The following FECH variants were observed in gnomAD, a reference collection of about 807,000 sequenced individuals.
FECH encodes the protein ferrochelatase, mitochondrial.
Under a neutral mutation model 56.9 loss-of-function variants are expected in FECH, and 40 were observed. The observed-to-expected ratio is 0.70, with a 90% confidence interval of 0.55 to 0.92. The LOEUF (loss-of-function observed/expected upper bound fraction) is 0.92. Ranked by LOEUF, FECH falls within the 40% of genes least tolerant of loss-of-function variation. The probability of loss-of-function intolerance (pLI) is 0.00; values close to 1 mark genes in which losing one functional copy is unlikely to be tolerated. For synonymous variants in FECH, 175 were observed against 198.6 expected (o/e 0.88, Z 1.00); for missense variants, 431 against 529.1 (o/e 0.81, Z 1.82).
At chr18:57,556,736 C>T (rs1372975969) in intron 7 of FECH, among the ~76,000 whole-genome samples, 1 of 151,620 alleles carries the variant, frequency 6.6e-6, no homozygotes. Flanking sequence ...CATGGTGAAA[C>T]CCTGTCTCTT....
At chr18:57,582,505 G>A (rs1008058221) in intron 1 of FECH, among the ~76,000 whole-genome samples, 3 of 152,058 alleles carry the variant, frequency 2.0e-5, no homozygotes, top group African/African-American at 7.2e-5. Flanking sequence ...GCTCACACCT[G>A]TAATCCCAGC....
At chr18:57,573,448 C>T (rs2051143384) in intron 2 of FECH, 83 bp from the exon 3 acceptor site, 1 of 1,495,266 alleles carries the variant, frequency 6.7e-7, no homozygotes, top group Non-Finnish European at 9.3e-7. Flanking sequence ...CCAGCAAACT[C>T]TAATCTGTTC....
chr18:57,548,014 A>ATTC lies in FECH; in HGVS notation c.*2697_*2698insGAA, dbSNP rs2050741840. 6.6e-6 allele frequency among the ~76,000 whole-genome samples: 1 copy of ATTC among 151,968 alleles called. No individual in the cohort carries two copies. The highest frequency in any genetic ancestry group is 1.5e-5 in the Non-Finnish European group (1 of 67,976). On this transcript the variant is annotated 3_prime_UTR_variant, in exon 11 of 11. Transcript: ENST00000262093. ...CCTTGTAATCCCAGCACTTTGGGAG[A>ATTC]CTGAGGCAGGAGAATCCCTTGAGCC...
At position 57,586,541 on chromosome 18, in the gene FECH, C is replaced by T. The variant is rs1300367759; in HGVS notation, c.67+13G>A. 6 of 1,521,004 alleles carry T rather than the reference C, an allele frequency of 3.9e-6. No individual in the cohort carries two copies. The highest frequency in any genetic ancestry group is 5.3e-6 in the Non-Finnish European group (6 of 1,140,698). 94.2% of individuals were successfully genotyped at this position (1,521,004 alleles called of 1,614,324 possible). Reference sequence around the variant, plus strand: ...ATCCTGGCCCTGGCGGCCGCCGCGACAGACCCACTTACGCGGATCGCGGAG... The same window carrying T: ...ATCCTGGCCCTGGCGGCCGCCGCGATAGACCCACTTACGCGGATCGCGGAG... On this transcript the variant is annotated intron_variant, in intron 1 of 10. Transcript: ENST00000262093.
intron 1 of FECH, 100 bp from the exon 2 acceptor site, chr18:57,580,299 A>T: frequency 1.4e-6 from 2 of 1,437,670 alleles, no homozygotes; most frequent in Non-Finnish European, 1.9e-6. Flanking sequence ...ATTTAAAGAG[A>T]TCCCATGGCA....
At chr18:57,559,092 G>T in intron 7 of FECH, 53 bp downstream of exon 7, 1 of 1,213,830 alleles carries the variant, frequency 8.2e-7, no homozygotes, top group South Asian at 1.2e-5. Context: ...TTTAGAAAAT[G>T]AAATCACCCA....
At chr18:57,580,327 A>G (rs377608968) in intron 1 of FECH, 128 bp from the exon 2 acceptor site, 1 of 1,284,276 alleles carries the variant, frequency 7.8e-7, no homozygotes. Flanking sequence ...TTTTCCTAGC[A>G]TTTCTCTGCA....
intron 5 of FECH, among the ~76,000 whole-genome samples, chr18:57,565,711 C>T (rs2051007346): frequency 6.6e-6 from 1 of 152,118 alleles, no homozygotes; most frequent in African/African-American, 2.4e-5. Context: ...TTTGATTCTC[C>T]TTATGGTTAT....
At chr18:57,583,094 G>A (rs1476138906) in intron 1 of FECH, among the ~76,000 whole-genome samples, 1 of 152,132 alleles carries the variant, frequency 6.6e-6, no homozygotes, top group Non-Finnish European at 1.5e-5. Context: ...TGATGTCGCT[G>A]CCAAGGGACC....
chr18:57,553,268 C>T (rs1223570582), intron 9 of FECH, among the ~76,000 whole-genome samples: 1 of 152,134 alleles, frequency 6.6e-6, no homozygotes, highest in Non-Finnish European at 1.5e-5. Context: ...AATCCTGTGT[C>T]AGAACCACTG....
chr18:57,577,534 C>T lies in FECH; in HGVS notation c.194+2539G>A, dbSNP rs554264236. ...CTGCCATCAGAAGAATCCACAAAGA[C>T]ACTCACTGCTTCACCATTTCTAATA... On this transcript the variant is annotated intron_variant, in intron 2 of 10. Transcript: ENST00000262093. Among the ~76,000 whole-genome samples, 20 of 152,310 alleles carry T rather than the reference C, an allele frequency of 1.3e-4. No homozygotes were observed. In the South Asian group the frequency reaches 3.7e-3, roughly 28 times the overall value.
chr18:57,560,703 T>C (rs1598989197), intron 6 of FECH, among the ~76,000 whole-genome samples: 1 of 152,354 alleles, frequency 6.6e-6, no homozygotes, highest in Admixed American at 6.5e-5. Flanking sequence ...GAGTTCCTTA[T>C]ACTATTCTTA....
intron 6 of FECH, among the ~76,000 whole-genome samples, chr18:57,560,235 C>G (rs2050925419): frequency 6.6e-6 from 1 of 152,100 alleles, no homozygotes; most frequent in South Asian, 2.1e-4. Context: ...GTGATATATG[C>G]ATAACTTATT....
Position 57,544,400 on chromosome 18 carries a change from T to C in FECH, c.*6312A>G, listed in dbSNP as rs903837593. Among the ~76,000 whole-genome samples the C allele has an allele frequency of 1.6e-4, 25 of 152,220 alleles. No individual in the cohort carries two copies. Among genetic ancestry groups the C allele is most frequent in the African/African-American group, 6.0e-4 (25 of 41,462 alleles). The stretch of plus-strand genomic sequence containing the variant: ...TGTAGGTGTGAGAGTATGTTTACTA[T>C]AAATTTTACTAATCTAAAAGATGTG... On this transcript the variant is annotated 3_prime_UTR_variant, in exon 11 of 11. Transcript: ENST00000262093.
intron 7 of FECH, among the ~76,000 whole-genome samples, chr18:57,557,143 C>T (rs2050879242): frequency 6.6e-6 from 1 of 152,124 alleles, no homozygotes; most frequent in African/African-American, 2.4e-5. Context: ...GCGTTGGTAA[C>T]TGTACAGTGG....
chr18:57,550,836 T>G lies in FECH; in HGVS notation c.1148A>C (p.Asp383Ala), dbSNP rs141118057. The change falls in exon 11 of 11, where the codon GAC becomes GCC. Residue 383 changes from aspartate to alanine, a missense_variant. By Grantham distance (126) the Asp-to-Ala change is moderately radical. Transcript: ENST00000262093. Reference protein sequence around the residue: ...GNPLFSKALADLVHSHIQSNE... With the variant: ...GNPLFSKALAALVHSHIQSNE... ...TGACTGGATGTGTGAATGCACCAAGTCGGCCAGGGCCTGGAAGATAGACAA... is the reference window on the plus strand; with the variant it reads ...TGACTGGATGTGTGAATGCACCAAGGCGGCCAGGGCCTGGAAGATAGACAA... 6.2e-7 allele frequency: 1 copy of G among 1,613,790 alleles called. No individual in the cohort carries two copies. Among genetic ancestry groups the G allele is most frequent in the Non-Finnish European group, 8.5e-7 (1 of 1,180,006 alleles).
chr18:57,575,155 C>T (rs1479808518), intron 2 of FECH, among the ~76,000 whole-genome samples: 6 of 152,232 alleles, frequency 3.9e-5, no homozygotes, highest in South Asian at 2.1e-4. Context: ...GTTCATGCTA[C>T]GTGTCGTAGC....
chr18:57,563,441 G>A (rs1465622469), intron 5 of FECH, among the ~76,000 whole-genome samples: 2 of 151,924 alleles, frequency 1.3e-5, no homozygotes, highest in East Asian at 3.9e-4. Context: ...AATTAGCCAG[G>A]CATGGTGGTG....
chr18:57,577,249 C>A (rs2051197224), intron 2 of FECH, among the ~76,000 whole-genome samples: 1 of 152,120 alleles, frequency 6.6e-6, no homozygotes, highest in Non-Finnish European at 1.5e-5. Context: ...ACACATACAC[C>A]CCTACTGCCT....
Sources: gnomAD v4.1 joint callset for allele counts (sites outside exome capture counted in the v4.1 genomes callset) on GRCh38, gnomAD v4.1.1 for gene constraint, MANE v1.5 for transcripts, NCBI Gene and HGNC (gene_info 2026-07-23, HGNC 2026-07-21) for gene names.